Variants in KIAA1671 observed in about 807,000 individuals in gnomAD.
KIAA1671 encodes uncharacterized protein KIAA1671.
In KIAA1671, 52 loss-of-function variants were observed where a neutral mutation model predicts 131.2. That is an observed-to-expected ratio of 0.40 (90% CI 0.32 to 0.50). The LOEUF is 0.50. KIAA1671 is among the 20% of genes least tolerant of loss of function. The probability of loss-of-function intolerance (pLI) is 0.73; values close to 1 mark genes in which losing one functional copy is unlikely to be tolerated. For missense variants in KIAA1671, 2,360 were observed against 2,364.2 expected (o/e 1.00, Z 0.04); for synonymous variants, 1,003 against 961.6 (o/e 1.04, Z -0.80).
chr22:25,099,750 T>G lies in KIAA1671; in HGVS notation c.4530+50386T>G, dbSNP rs149445206. ...GGCTGGTCTCGAACTCCTGACCTCA[T>G]GATCCACCCGCCTCGGCCTCCCGAG... On this transcript the variant is annotated intron_variant, in intron 6 of 12. Coordinates refer to ENST00000358431, the MANE Select transcript of KIAA1671 (RefSeq NM_001145206.2). Among the ~76,000 whole-genome samples the G allele has an allele frequency of 4.1e-3, 624 of 152,106 alleles. 3 individuals carry two copies. The highest frequency in any genetic ancestry group is 0.014 in the African/African-American group (601 of 41,508).
intron 6 of KIAA1671, among the ~76,000 whole-genome samples, chr22:25,117,585 C>CCACACACACACACACACACACACA (rs4049524): frequency 2.4e-5 from 3 of 123,896 alleles, no homozygotes; most frequent in Non-Finnish European, 4.9e-5. Flanking sequence ...TCTCCCCCAA[C>CCACACACACACACACACACACACA]CACACACACA....
rs1178327065 is a variant in KIAA1671, at chr22:25,049,283, G to C, written c.4449G>C (p.Pro1483=). Residue 1483 remains proline, a synonymous_variant, in exon 6 of 13, where the codon CCG becomes CCC. Coordinates refer to ENST00000358431, the MANE Select transcript of KIAA1671 (RefSeq NM_001145206.2). The part of the protein sequence containing the change: ...KEDAPQEKER[P]LQQVSPVASV... ...ATGCCCCCCAGGAGAAGGAGCGACC[G>C]CTCCAGCAGGTGTCCCCTGTGGCCT... The C allele has an allele frequency of 6.4e-7, 1 of 1,551,744 alleles. No individual in the cohort carries two copies. The highest frequency in any genetic ancestry group is 2.0e-5 in the Admixed American group (1 of 50,986).
At chr22:25,096,892 T>C (rs575579811) in intron 6 of KIAA1671, among the ~76,000 whole-genome samples, 4 of 152,342 alleles carry the variant, frequency 2.6e-5, no homozygotes, top group African/African-American at 7.2e-5. Context: ...TCTTCATCAG[T>C]GTCTCTCACT....
chr22:25,143,892 C>T (rs936387600), intron 6 of KIAA1671, among the ~76,000 whole-genome samples: 1 of 151,974 alleles, frequency 6.6e-6, no homozygotes, highest in South Asian at 2.1e-4. Context: ...AATGATAGGC[C>T]GGGTGTGGTG....
rs1568951630 is a variant in KIAA1671, at chr22:25,093,840, C to CTCTCTCTG, written c.4530+44483_4530+44484insGTCTCTCT. ...TCTCTCTCTTTCTCTCTCTGTCTGT[C>CTCTCTCTG]TCTCTCTCTCTCTCTCTCTCTCTCT... On this transcript the variant is annotated intron_variant, in intron 6 of 12. Coordinates refer to ENST00000358431, the MANE Select transcript of KIAA1671 (RefSeq NM_001145206.2). Among the ~76,000 whole-genome samples the CTCTCTCTG allele has an allele frequency of 1.6e-3, 93 of 57,054 alleles. 9 individuals carry two copies. Among genetic ancestry groups the CTCTCTCTG allele is most frequent in the South Asian group, 7.3e-3 (10 of 1,364 alleles). 37.4% of individuals were successfully genotyped at this position (57,054 alleles called of 152,430 possible). A position where few individuals can be genotyped will look rare whatever the true frequency, so the allele number is the denominator to read the frequency against.
At chr22:25,076,973 A>C (rs1929144855) in intron 6 of KIAA1671, among the ~76,000 whole-genome samples, 1 of 152,190 alleles carries the variant, frequency 6.6e-6, no homozygotes, top group Admixed American at 6.5e-5. Flanking sequence ...CCCGGCTAGG[A>C]AGTGCTAGAG....
intron 6 of KIAA1671, among the ~76,000 whole-genome samples, chr22:25,137,017 A>G (rs1448625280): frequency 6.6e-6 from 1 of 152,156 alleles, no homozygotes; most frequent in African/African-American, 2.4e-5. Flanking sequence ...CCGCAATCCT[A>G]TTATTCTGTT....
chr22:25,125,599 C>T (rs1932140426), intron 6 of KIAA1671, among the ~76,000 whole-genome samples: 1 of 152,196 alleles, frequency 6.6e-6, no homozygotes, highest in African/African-American at 2.4e-5. Context: ...GGATAATTCT[C>T]TGTCATAGGG....
intron 1 of KIAA1671, among the ~76,000 whole-genome samples, chr22:24,960,070 T>A (rs1207094902): frequency 6.6e-6 from 1 of 151,380 alleles, no homozygotes; most frequent in African/African-American, 2.4e-5. Flanking sequence ...GGAGGGAGAT[T>A]GCAGTGAATC....
intron 1 of KIAA1671, among the ~76,000 whole-genome samples, chr22:24,997,175 G>A (rs1924182942): frequency 6.6e-6 from 1 of 152,166 alleles, no homozygotes; most frequent in African/African-American, 2.4e-5. Context: ...CAAGGCAGAC[G>A]AGTAACCAGG....
At chr22:25,001,261 GTA>G (rs1214210203) in intron 1 of KIAA1671, among the ~76,000 whole-genome samples, 7 of 151,908 alleles carry the variant, frequency 4.6e-5, no homozygotes, top group South Asian at 4.2e-4. Context: ...GTATGTGTGT[GTA>G]TATATATGCA....
At chr22:25,103,144 GGTCTGGGTTC>G (rs1930783523) in intron 6 of KIAA1671, among the ~76,000 whole-genome samples, 1 of 152,082 alleles carries the variant, frequency 6.6e-6, no homozygotes, top group Non-Finnish European at 1.5e-5. Flanking sequence ...GGATCAGACA[GGTCTGGGTTC>G]AAGTCCCAGA....
Position 25,181,692 on chromosome 22 carries a change from G to C in KIAA1671, c.5075-7G>C. 1.9e-6 allele frequency: 3 copies of C among 1,551,432 alleles called. No homozygotes were observed. The highest frequency in any genetic ancestry group is 2.6e-6 in the Non-Finnish European group (3 of 1,146,836). ...TGATGAATTCAGTGCCCTTTTCTTTGCAACAGAGGAGAAATCACCCAGGAA... is the reference window on the plus strand; with the variant it reads ...TGATGAATTCAGTGCCCTTTTCTTTCCAACAGAGGAGAAATCACCCAGGAA... On this transcript the variant is annotated splice_region_variant and splice_polypyrimidine_tract_variant and intron_variant, in intron 9 of 12. Transcript: ENST00000358431.
Position 25,028,863 on chromosome 22 carries a change from G to A in KIAA1671, c.864G>A (p.Thr288=), listed in dbSNP as rs534336780. The A allele has an allele frequency of 7.3e-4, 1,130 of 1,551,026 alleles. 9 individuals are homozygous for A. The South Asian group carries it at 9.7e-3, about 13-fold the overall frequency. ...RKPRPLSMDL[T]ARFENKEALL... ...CCAGGCCCTTGTCCATGGACCTCAC[G>A]GCCCGGTTTGAGAACAAAGAGGCCT... The change falls in exon 3 of 13, where the codon ACG becomes ACA. Residue 288 remains threonine (T), a synonymous_variant. Coordinates refer to ENST00000358431, the MANE Select transcript of KIAA1671 (RefSeq NM_001145206.2).
intron 6 of KIAA1671, among the ~76,000 whole-genome samples, chr22:25,136,313 C>G (rs1932672553): frequency 6.6e-6 from 1 of 152,302 alleles, no homozygotes; most frequent in South Asian, 2.1e-4. Flanking sequence ...ATGAAGAAAT[C>G]AAGGCTCAGA....
intron 6 of KIAA1671, chr22:25,102,946 G>C (rs1431230591): frequency 6.6e-6 from 1 of 152,648 alleles, no homozygotes; most frequent in East Asian, 1.9e-4. Flanking sequence ...GTAGGTTGAA[G>C]CTGAGTTCAT....
At position 24,972,837 on chromosome 22, in the gene KIAA1671, A is replaced by G. The variant is rs111300663; in HGVS notation, c.-208+20065A>G. Among the ~76,000 whole-genome samples, 1,345 of 152,344 alleles carry G rather than the reference A, an allele frequency of 8.8e-3. 30 individuals carry two copies. Among genetic ancestry groups the G allele is most frequent in the African/African-American group, 0.031 (1,274 of 41,580 alleles). Reference sequence around the variant, plus strand: ...GAGAAGCAGGCACAAAAGTCCGTTCATAAACCAGAACTTCAGATAATGATT... The same window carrying G: ...GAGAAGCAGGCACAAAAGTCCGTTCGTAAACCAGAACTTCAGATAATGATT... On this transcript the variant is annotated intron_variant, in intron 1 of 12. Transcript: ENST00000358431.
rs1322368160 is a variant in KIAA1671 at position 25,177,450 on chromosome 22, T to C, written c.5002T>C (p.Phe1668Leu). The C allele has an allele frequency of 9.7e-6, 15 of 1,551,740 alleles. No individual in the cohort carries two copies. The highest frequency in any genetic ancestry group is 3.3e-4 in the Middle Eastern group (2 of 5,992). Residue 1668 changes from phenylalanine (F) to leucine (L), a missense_variant, in exon 9 of 13, where the codon TTT (phenylalanine) becomes CTT (leucine). By Grantham distance (22) the Phe-to-Leu change is conservative. Coordinates refer to ENST00000358431, the MANE Select transcript of KIAA1671 (RefSeq NM_001145206.2). ...PISHSLRRSR[F>L]SESESRSPLE... ...CTCCCACTCCCTCCGGCGCAGCCGA[T>C]TTAGTGAGTCCGAGAGCAGATCACC...
intron 6 of KIAA1671, among the ~76,000 whole-genome samples, chr22:25,121,323 A>G (rs1219920182): frequency 6.6e-6 from 1 of 152,064 alleles, no homozygotes; most frequent in Admixed American, 6.6e-5. Context: ...TTAGCTGGGC[A>G]AGGTGGTGGG....
Sources: allele counts gnomAD v4.1 joint callset (sites outside exome capture counted in the v4.1 genomes callset), GRCh38; gene constraint gnomAD v4.1.1; transcripts MANE v1.5; gene names NCBI Gene and HGNC (gene_info 2026-07-23, HGNC 2026-07-21).